ARHGEF10: variants seen among roughly 807,000 people sequenced by gnomAD.
The protein encoded by ARHGEF10 is Rho guanine nucleotide exchange factor (GEF) 10.
In ARHGEF10, 140 loss-of-function variants were observed where a neutral mutation model predicts 147.4. That is an observed-to-expected ratio of 0.95 (90% confidence interval 0.83 to 1.09). The LOEUF is 1.09. Among genes scored for constraint, ARHGEF10 ranks in the 50% least tolerant of loss-of-function variants. The probability of loss-of-function intolerance (pLI) is 0.00; values close to 1 mark genes in which losing one functional copy is unlikely to be tolerated. For synonymous variants in ARHGEF10, 902 were observed against 695.8 expected (o/e 1.30, Z -4.67); for missense variants, 2,222 against 1,752.7 (o/e 1.27, Z -4.78).
rs904776572 is a variant in ARHGEF10 at position 1,927,681 on chromosome 8, G to A, written c.2698-746G>A. Among the ~76,000 whole-genome samples, 20 of 152,172 alleles carry A rather than the reference G, an allele frequency of 1.3e-4. 1 individual carries two copies. The highest frequency in any genetic ancestry group is 9.8e-4 in the Admixed American group (15 of 15,278). On this transcript the variant is annotated intron_variant, in intron 23 of 28. Transcript: ENST00000349830. Reference sequence around the variant, plus strand: ...TGTAATCCCAGCACTTTGGGAGGCCGAGGCGGGTGGATCACAAGGTCAGGA... The same window carrying A: ...TGTAATCCCAGCACTTTGGGAGGCCAAGGCGGGTGGATCACAAGGTCAGGA...
intron 15 of ARHGEF10, 91 bp downstream of exon 15, chr8:1,898,616 G>A: frequency 6.1e-6 from 8 of 1,317,274 alleles, no homozygotes; most frequent in Non-Finnish European, 8.6e-6. Flanking sequence ...CTTTGGAATG[G>A]CTGCCCCTCG....
In ARHGEF10 at chr8:1,937,828, G is replaced by A. The variant is rs1813744675; in HGVS notation, c.3222+3886G>A. ...GCTGCATGTGATCTGGGCTTGGGTT[G>A]AGCGGGTTGGGAGATGCTAGCCATA... On this transcript the variant is annotated intron_variant, in intron 26 of 28. Transcript: ENST00000349830. The surrounding 1 kb of genome is among the most constrained non-coding windows in gnomAD (Gnocchi z 4.9). Among the ~76,000 whole-genome samples the A allele has an allele frequency of 6.6e-6, 1 of 152,214 alleles. No individual in the cohort carries two copies. Among genetic ancestry groups the A allele is most frequent in the Non-Finnish European group, 1.5e-5 (1 of 68,044 alleles).
At position 1,885,714 on chromosome 8, in the gene ARHGEF10, T is replaced by A; in HGVS notation, c.1182+7T>A. Reference sequence around the variant, plus strand: ...GGGTTTATCTCAGCAGCAGGTGAGATGAGCAGAGCTGACAGGGGCTGTTGA... The same window carrying A: ...GGGTTTATCTCAGCAGCAGGTGAGAAGAGCAGAGCTGACAGGGGCTGTTGA... On this transcript the variant is annotated splice_region_variant and intron_variant, in intron 11 of 28. Transcript: ENST00000349830. 6.2e-7 allele frequency: 1 copy of A among 1,601,498 alleles called. No homozygotes were observed.
intron 15 of ARHGEF10, among the ~76,000 whole-genome samples, chr8:1,902,976 T>G (rs1056479207): frequency 1.3e-5 from 2 of 152,204 alleles, no homozygotes; most frequent in African/African-American, 4.8e-5. Context: ...GGAGAATCTA[T>G]CATCATCGTG....
intron 5 of ARHGEF10, 45 bp downstream of exon 5, chr8:1,864,481 T>C (rs1297980592): frequency 1.3e-6 from 2 of 1,584,886 alleles, no homozygotes; most frequent in African/African-American, 2.7e-5. Flanking sequence ...CCCGCCTTTC[T>C]CCTGAGGAGC....
Position 1,945,486 on chromosome 8 carries a change from G to A in ARHGEF10, c.3228G>A (p.Gln1076=). ...TTGACCTCTCGATTTCACAGGGTCA[G>A]CTGGAGGCCCACCAGGAGGAAGGCA... ...ISVETHAVEG[Q]LEAHQEEGMV... is the part of the protein sequence containing the mutation. Residue 1076 remains glutamine (Q), a synonymous_variant, in exon 27 of 29, where the codon CAG becomes CAA. Coordinates refer to ENST00000349830, the MANE Select transcript of ARHGEF10 (RefSeq NM_014629.4). 2 of 1,598,278 alleles carry A rather than the reference G, an allele frequency of 1.3e-6. No individual in the cohort carries two copies. Among genetic ancestry groups the A allele is most frequent in the Non-Finnish European group, 1.7e-6 (2 of 1,172,326 alleles).
chr8:1,897,098 C>T (rs137993147), intron 14 of ARHGEF10, among the ~76,000 whole-genome samples: 3 of 152,362 alleles, frequency 2.0e-5, no homozygotes, highest in African/African-American at 7.2e-5. Flanking sequence ...GGAACTGAGT[C>T]TCCTTTGTGG....
chr8:1,923,632 A>C (rs757443554), intron 20 of ARHGEF10, 37 bp downstream of exon 20: 20 of 1,614,010 alleles, frequency 1.2e-5, no homozygotes, highest in Non-Finnish European at 1.5e-5. Context: ...TTCTTGGCCA[A>C]TGCTGGGGAG....
At chr8:1,827,394 T>C (rs1802832680) in intron 1 of ARHGEF10, among the ~76,000 whole-genome samples, 1 of 152,178 alleles carries the variant, frequency 6.6e-6, no homozygotes, top group Non-Finnish European at 1.5e-5. Flanking sequence ...CTGCAGTCTT[T>C]GCTTCCCAGG....
intron 11 of ARHGEF10, among the ~76,000 whole-genome samples, chr8:1,887,295 G>T (rs1409572728): frequency 6.6e-6 from 1 of 152,268 alleles, no homozygotes; most frequent in Non-Finnish European, 1.5e-5. Context: ...GAGTGTGAGT[G>T]ACTCAGGACC....
chr8:1,895,762 A>T (rs530324072), intron 13 of ARHGEF10, among the ~76,000 whole-genome samples: 1 of 152,226 alleles, frequency 6.6e-6, no homozygotes, highest in African/African-American at 2.4e-5. Flanking sequence ...TTAGAATAAC[A>T]TGGAGTGATT....
intron 2 of ARHGEF10, among the ~76,000 whole-genome samples, chr8:1,846,984 C>G (rs1046988058): frequency 7.2e-5 from 11 of 152,242 alleles, no homozygotes; most frequent in Non-Finnish European, 1.5e-4. Flanking sequence ...TCAGTGGCTG[C>G]TCTTGGGGCC....
intron 20 of ARHGEF10, 88 bp downstream of exon 20, chr8:1,923,683 C>G: frequency 1.9e-6 from 3 of 1,613,532 alleles, no homozygotes; most frequent in Non-Finnish European, 8.5e-7. Flanking sequence ...TTTTGGTTTG[C>G]TGATTCTATC....
intron 2 of ARHGEF10, among the ~76,000 whole-genome samples, chr8:1,857,418 T>G (rs1805632180): frequency 6.7e-6 from 1 of 149,738 alleles, no homozygotes; most frequent in African/African-American, 2.5e-5. Flanking sequence ...TCTTGTTTTC[T>G]TTTCTTTTTT....
intron 16 of ARHGEF10, 167 bp downstream of exon 16, chr8:1,903,618 G>A: frequency 8.9e-6 from 7 of 784,908 alleles, no homozygotes; most frequent in South Asian, 1.7e-5. Context: ...ACACCAATGT[G>A]GAAATTGTAT....
chr8:1,866,146 A>G (rs1441938250), intron 5 of ARHGEF10, among the ~76,000 whole-genome samples: 1 of 152,106 alleles, frequency 6.6e-6, no homozygotes, highest in Non-Finnish European at 1.5e-5. Flanking sequence ...GAGACGGCCC[A>G]TTGCCCGCTG....
chr8:1,857,920 A>G (rs768938335), intron 2 of ARHGEF10, 40 bp from the exon 3 acceptor site: 41 of 1,456,936 alleles, frequency 2.8e-5, no homozygotes, highest in African/African-American at 4.3e-5. Flanking sequence ...CTATCTATCT[A>G]TCTATCTCTC....
chr8:1,861,314 C>A (rs1806111117), intron 4 of ARHGEF10, among the ~76,000 whole-genome samples: 1 of 152,250 alleles, frequency 6.6e-6, no homozygotes, highest in African/African-American at 2.4e-5. Context: ...AGCGTGCAGT[C>A]CGTGGCTGCT....
chr8:1,957,183 C>T lies in ARHGEF10; in HGVS notation c.3955C>T (p.His1319Tyr). ...VCGGQGHRRV[H>Y]RKARQPHQEE... is the part of the protein sequence containing the mutation. ...TGGAGGGCAGGGCCACCGCCGGGTG[C>T]ACAGGAAGGCCCGGCAGCCCCACCA... is the stretch of plus-strand genomic sequence containing the variant. Residue 1319 changes from histidine to tyrosine, a missense_variant, in exon 29 of 29, where the codon CAC (histidine) becomes TAC (tyrosine). Physicochemically the swap from His to Tyr is moderately conservative, Grantham distance 83. Coordinates refer to ENST00000349830, the MANE Select transcript of ARHGEF10 (RefSeq NM_014629.4). 6.2e-7 allele frequency: 1 copy of T among 1,612,542 alleles called. No individual in the cohort carries two copies. The highest frequency in any genetic ancestry group is 8.5e-7 in the Non-Finnish European group (1 of 1,179,986).
Sources: gnomAD v4.1 joint callset for allele counts (sites outside exome capture counted in the v4.1 genomes callset) on GRCh38, gnomAD v4.1.1 for gene constraint, Gnocchi (gnomAD v3.1) non-coding constraint, MANE v1.5 for transcripts, NCBI Gene and HGNC (gene_info 2026-07-23, HGNC 2026-07-21) for gene names.